The following NLRP4 variants were observed in gnomAD, a reference collection of about 807,000 sequenced individuals.
NLRP4 encodes NACHT, LRR and PYD domains-containing protein 4.
A neutral mutation model predicts 84.7 loss-of-function variants in NLRP4; 44 were observed. The observed-to-expected ratio is 0.52, with a 90% CI of 0.41 to 0.67. NLRP4 has a LOEUF of 0.67. Among genes scored for constraint, NLRP4 ranks in the 30% least tolerant of loss-of-function variants. NLRP4 has a pLI of 0.00. For synonymous variants in NLRP4, 544 were observed against 476.4 expected (o/e 1.14, Z -1.85); for missense variants, 1,260 against 1,219.4 (o/e 1.03, Z -0.50).
chr19:55,840,934 G>A (rs1983591012), intron 1 of NLRP4, among the ~76,000 whole-genome samples: 1 of 152,176 alleles, frequency 6.6e-6, no homozygotes, highest in South Asian at 2.1e-4. Flanking sequence ...TGGATGAAGA[G>A]TTTGGTGAGT....
At chr19:55,861,843 A>G in intron 4 of NLRP4, 149 bp from the exon 5 acceptor site, 2 of 684,062 alleles carry the variant, frequency 2.9e-6, no homozygotes, top group Non-Finnish European at 5.1e-6. Flanking sequence ...TGTGGGGGCA[A>G]AATCTCTCAA....
chr19:55,840,344 A>ATATGTGTG (rs1555806405), intron 1 of NLRP4, among the ~76,000 whole-genome samples: 2 of 119,656 alleles, frequency 1.7e-5, no homozygotes, highest in African/African-American at 3.2e-5. Flanking sequence ...GTGTATGTGT[A>ATATGTGTG]TGTGTGTGTG....
In NLRP4 at chr19:55,850,088, T is replaced by A. The variant is rs549780443; in HGVS notation, c.-65-1928T>A. Among the ~76,000 whole-genome samples, 346 of 143,414 alleles carry A rather than the reference T, an allele frequency of 2.4e-3. 62 individuals are homozygous for A. The highest frequency in any genetic ancestry group is 6.9e-3 in the African/African-American group (252 of 36,482). The allele number at this position is 143,414 out of a possible 152,430, so 94.1% of individuals were successfully genotyped here. A position where few individuals can be genotyped will look rare whatever the true frequency, so the allele number is the denominator to read the frequency against. ...GAATTTCCGAGACTGCGGTGTAATT[T>A]CCGTGGCTGCGGTGTAATTACCGTA... On this transcript the variant is annotated intron_variant, in intron 1 of 9. Coordinates refer to ENST00000301295, the MANE Select transcript of NLRP4 (RefSeq NM_134444.5).
chr19:55,874,893 A>G (rs948125204), intron 7 of NLRP4, among the ~76,000 whole-genome samples: 50 of 152,328 alleles, frequency 3.3e-4, no homozygotes, highest in African/African-American at 1.2e-3. Flanking sequence ...AGCAGAATCC[A>G]TAAATGTATT....
intron 3 of NLRP4, 122 bp from the exon 4 acceptor site, chr19:55,861,264 G>T: frequency 1.3e-6 from 1 of 791,476 alleles, no homozygotes; most frequent in East Asian, 2.7e-5. Flanking sequence ...CGTTCCTTCT[G>T]ACTGAGGGAG....
chr19:55,880,853 G>T (rs143942582), intron 9 of NLRP4, among the ~76,000 whole-genome samples: 1 of 152,094 alleles, frequency 6.6e-6, no homozygotes, highest in South Asian at 2.1e-4. Context: ...ATCACAAGTC[G>T]GGACAATTAT....
At chr19:55,881,014 A>T (rs1985564627) in intron 9 of NLRP4, among the ~76,000 whole-genome samples, 1 of 152,192 alleles carries the variant, frequency 6.6e-6, no homozygotes, top group Non-Finnish European at 1.5e-5. Flanking sequence ...CCTAACTCCC[A>T]CTGACTTCTT....
chr19:55,851,795 A>C (rs1218904679), intron 1 of NLRP4, among the ~76,000 whole-genome samples: 2 of 152,228 alleles, frequency 1.3e-5, no homozygotes, highest in Non-Finnish European at 2.9e-5. Flanking sequence ...AGGCTATGTC[A>C]GGTGACTATA....
chr19:55,879,963 T>C (rs1029151281), intron 9 of NLRP4, among the ~76,000 whole-genome samples: 1 of 151,918 alleles, frequency 6.6e-6, no homozygotes, highest in African/African-American at 2.4e-5. Context: ...TAATTTGTTA[T>C]ATTTATAATT....
intron 1 of NLRP4, among the ~76,000 whole-genome samples, chr19:55,839,221 C>T (rs1395744852): frequency 6.6e-6 from 1 of 151,980 alleles, no homozygotes; most frequent in Non-Finnish European, 1.5e-5. Flanking sequence ...TGTGTGAGAA[C>T]ATGCAGTGTT....
intron 1 of NLRP4, among the ~76,000 whole-genome samples, chr19:55,850,685 A>AGGCTGCGG (rs1984065980): frequency 8.5e-6 from 1 of 117,034 alleles, no homozygotes; most frequent in East Asian, 2.9e-4. Flanking sequence ...CTGCGGTGTA[A>AGGCTGCGG]TGTCCGTGGC....
At chr19:55,855,592 G>T (rs1035464989) in intron 2 of NLRP4, among the ~76,000 whole-genome samples, 6 of 152,212 alleles carry the variant, frequency 3.9e-5, no homozygotes, top group African/African-American at 1.4e-4. Flanking sequence ...CCTACTGTCA[G>T]CAGTCTGTGG....
chr19:55,864,470 A>G (rs564118959), intron 5 of NLRP4, among the ~76,000 whole-genome samples: 13 of 152,206 alleles, frequency 8.5e-5, no homozygotes, highest in Admixed American at 2.6e-4. Context: ...CTAGTCCTCT[A>G]GTGATGAACA....
At chr19:55,863,664 A>G (rs1375529407) in intron 5 of NLRP4, among the ~76,000 whole-genome samples, 3 of 152,134 alleles carry the variant, frequency 2.0e-5, no homozygotes, top group East Asian at 3.9e-4. Context: ...GCCGAACCAT[A>G]TCAGACAGCG....
chr19:55,858,496 C>G lies in NLRP4; in HGVS notation c.1103C>G (p.Thr368Ser), dbSNP rs1156836310. Residue 368 changes from threonine to serine, a missense_variant, in exon 3 of 10, where the codon ACT becomes AGT. Coordinates refer to ENST00000301295, the MANE Select transcript of NLRP4 (RefSeq NM_134444.5). The surrounding 1 kb of genome is among the most constrained non-coding windows in gnomAD (Gnocchi z 4.2). Reference sequence around the variant, plus strand: ...GACCTGGCCCTGACCTGCCAGAGCACTACCTCTGTGTACTCCTCTTTCGTC... The same window carrying G: ...GACCTGGCCCTGACCTGCCAGAGCAGTACCTCTGTGTACTCCTCTTTCGTC... ...GKDLALTCQSTTSVYSSFVFN... is the reference protein window; with the variant it reads ...GKDLALTCQSSTSVYSSFVFN... 1 of 1,614,162 alleles carries G rather than the reference C, an allele frequency of 6.2e-7. No individual in the cohort carries two copies.
intron 4 of NLRP4, 60 bp downstream of exon 4, chr19:55,861,607 T>C (rs1984759134): frequency 1.3e-6 from 2 of 1,499,994 alleles, no homozygotes; most frequent in East Asian, 2.3e-5. Context: ...TCATCTCACC[T>C]CTAGCTTTCA....
At chr19:55,843,665 C>A (rs781279263) in intron 1 of NLRP4, among the ~76,000 whole-genome samples, 1 of 151,964 alleles carries the variant, frequency 6.6e-6, no homozygotes, top group Non-Finnish European at 1.5e-5. Flanking sequence ...GCACTCCAGC[C>A]TGGGCAACAA....
At position 55,870,901 on chromosome 19, in the gene NLRP4, G is replaced by T. The variant is rs751908563; in HGVS notation, c.2429G>T (p.Arg810Leu). 2 of 1,613,858 alleles carry T rather than the reference G, an allele frequency of 1.2e-6. No individual in the cohort carries two copies. The highest frequency in any genetic ancestry group is 1.3e-5 in the African/African-American group (1 of 74,906). ...SEMLLRNKSV[R>L]YLDLSANVLK... The stretch of plus-strand genomic sequence containing the variant: ...ATGCTTCTGCGTAACAAGAGCGTGC[G>T]CTATCTAGACCTCAGTGCCAATGTC... The change falls in exon 7 of 10, where the codon CGC becomes CTC. Residue 810 changes from arginine (R) to leucine (L), a missense_variant. Arg to Leu is a moderately radical substitution (Grantham distance 102, BLOSUM62 -2). This residue lies in a region of NLRP4 where 544 missense variants were observed against 531.7 expected (regional missense o/e 1.02). Transcript: ENST00000301295.
intron 7 of NLRP4, among the ~76,000 whole-genome samples, chr19:55,872,102 C>T (rs969158477): frequency 1.3e-5 from 2 of 152,118 alleles, no homozygotes; most frequent in African/African-American, 4.8e-5. Context: ...CCCGCCTCGG[C>T]CTCCCAAAGT....
Sources: gnomAD v4.1 joint callset for allele counts (sites outside exome capture counted in the v4.1 genomes callset) on GRCh38, gnomAD v4.1.1 for gene constraint, gnomAD v4.1.1 regional missense constraint, Gnocchi (gnomAD v3.1) non-coding constraint, MANE v1.5 for transcripts, NCBI Gene and HGNC (gene_info 2026-07-23, HGNC 2026-07-21) for gene names.